Variants in ARHGAP42 observed in about 807,000 individuals in gnomAD.
ARHGAP42 encodes the protein rho GTPase-activating protein 42.
Under a neutral mutation model 125.0 loss-of-function variants are expected in ARHGAP42, and 63 were observed. The observed-to-expected ratio is 0.50, with a 90% CI of 0.41 to 0.62. The LOEUF (loss-of-function observed/expected upper bound fraction) is 0.62, where lower values mean the gene tolerates loss of function less well. Among genes scored for constraint, ARHGAP42 ranks in the 20% least tolerant of loss-of-function variants. The pLI, the probability that ARHGAP42 is intolerant of heterozygous loss-of-function variation, is 0.00. For missense variants in ARHGAP42, 766 were observed against 1,024.2 expected (o/e 0.75, Z 3.44); for synonymous variants, 339 against 351.0 (o/e 0.97, Z 0.38).
intron 4 of ARHGAP42, among the ~76,000 whole-genome samples, chr11:100,896,377 C>T (rs1004036877): frequency 2.0e-5 from 3 of 152,204 alleles, no homozygotes; most frequent in African/African-American, 7.2e-5. Flanking sequence ...ATGGCTGGGT[C>T]AAATGGTATT....
intron 3 of ARHGAP42, among the ~76,000 whole-genome samples, chr11:100,805,490 A>G (rs1863966648): frequency 6.6e-6 from 1 of 152,188 alleles, no homozygotes; most frequent in South Asian, 2.1e-4. Flanking sequence ...TCCAAATCCC[A>G]AGAGAGGGTT....
At chr11:100,874,038 A>C (rs1216351120) in intron 4 of ARHGAP42, among the ~76,000 whole-genome samples, 1 of 152,186 alleles carries the variant, frequency 6.6e-6, no homozygotes, top group Admixed American at 6.5e-5. Context: ...AGAATACCTG[A>C]GTTGGAGTAA....
intron 1 of ARHGAP42, among the ~76,000 whole-genome samples, chr11:100,727,476 G>A (rs1416647077): frequency 1.3e-5 from 2 of 152,146 alleles, no homozygotes; most frequent in Non-Finnish European, 2.9e-5. Context: ...GATAAGGGCT[G>A]GTCACCGGAA....
intron 3 of ARHGAP42, among the ~76,000 whole-genome samples, chr11:100,829,684 C>A (rs1435951996): frequency 1.3e-5 from 2 of 152,152 alleles, no homozygotes; most frequent in African/African-American, 4.8e-5. Flanking sequence ...TGGCATTTTC[C>A]AATGGTTAAT....
intron 3 of ARHGAP42, among the ~76,000 whole-genome samples, chr11:100,819,057 G>A (rs1418615023): frequency 6.6e-6 from 1 of 152,126 alleles, no homozygotes; most frequent in Non-Finnish European, 1.5e-5. Flanking sequence ...GAACTTTAAT[G>A]AGTATTTTTG....
At chr11:100,831,236 C>T (rs79797087) in intron 3 of ARHGAP42, among the ~76,000 whole-genome samples, 43 of 152,126 alleles carry the variant, frequency 2.8e-4, no homozygotes, top group African/African-American at 9.9e-4. Context: ...AGGAGTGGAC[C>T]TTGTAAAGGG....
At chr11:100,943,054 T>C (rs895866177) in intron 9 of ARHGAP42, among the ~76,000 whole-genome samples, 4 of 152,058 alleles carry the variant, frequency 2.6e-5, no homozygotes, top group Non-Finnish European at 5.9e-5. Flanking sequence ...TTCCTATGAA[T>C]GTGGCCTATG....
chr11:100,781,161 T>C (rs1863302129), intron 2 of ARHGAP42, among the ~76,000 whole-genome samples: 1 of 152,178 alleles, frequency 6.6e-6, no homozygotes, highest in African/African-American at 2.4e-5. Flanking sequence ...TATTGTACAA[T>C]AGGTGTTTTC....
intron 3 of ARHGAP42, among the ~76,000 whole-genome samples, chr11:100,829,488 A>G (rs1053242885): frequency 2.0e-5 from 3 of 152,182 alleles, no homozygotes; most frequent in African/African-American, 7.2e-5. Context: ...CAGCTCTAGT[A>G]GTGCTGACCA....
intron 6 of ARHGAP42, among the ~76,000 whole-genome samples, chr11:100,923,656 T>G (rs117322495): frequency 0.02 from 2,982 of 152,264 alleles, 61 homozygotes; most frequent in Non-Finnish European, 0.027. Context: ...AATTGAAATG[T>G]GTTTTCTTCC....
rs961832838 is a variant in ARHGAP42, at chr11:100,697,008, T to TA, written c.154+9186dup. Among the ~76,000 whole-genome samples the TA allele has an allele frequency of 2.4e-3, 365 of 149,356 alleles. 1 individual carries two copies. The highest frequency in any genetic ancestry group is 2.5e-3 in the South Asian group (12 of 4,722). ...AGGGTTGTCAATGTCAGGTAACATG[T>TA]AAAAAAAAAATTGGAAAACTGCTGC... On this transcript the variant is annotated intron_variant, in intron 1 of 23. Transcript: ENST00000298815.
At chr11:100,764,163 T>C (rs1012645272) in intron 1 of ARHGAP42, among the ~76,000 whole-genome samples, 1 of 151,916 alleles carries the variant, frequency 6.6e-6, no homozygotes, top group African/African-American at 2.4e-5. Flanking sequence ...CTAAGACCAC[T>C]GGCACAAGCC....
At chr11:100,692,891 A>G (rs962699689) in intron 1 of ARHGAP42, among the ~76,000 whole-genome samples, 2 of 152,158 alleles carry the variant, frequency 1.3e-5, no homozygotes, top group African/African-American at 2.4e-5. Context: ...TCTGCCTTTC[A>G]TTTTCTGTGT....
chr11:100,728,872 G>A (rs1169874347), intron 1 of ARHGAP42, among the ~76,000 whole-genome samples: 1 of 151,416 alleles, frequency 6.6e-6, no homozygotes, highest in Non-Finnish European at 1.5e-5. Context: ...AGCTTCAAGC[G>A]GTTCTTCTGT....
intron 4 of ARHGAP42, among the ~76,000 whole-genome samples, chr11:100,888,256 A>G (rs1388008440): frequency 6.6e-6 from 1 of 151,854 alleles, no homozygotes; most frequent in African/African-American, 2.4e-5. Context: ...AAGCTTTTCC[A>G]TAATTTAGCT....
chr11:100,943,828 A>G lies in ARHGAP42; in HGVS notation c.1003A>G (p.Ile335Val). 6.5e-7 allele frequency: 1 copy of G among 1,549,772 alleles called. No individual in the cohort carries two copies. The highest frequency in any genetic ancestry group is 8.7e-7 in the Non-Finnish European group (1 of 1,145,818). Residue 335 changes from isoleucine (I) to valine (V), a missense_variant, in exon 10 of 24, where the codon ATT becomes GTT. Ile to Val is a conservative substitution (Grantham distance 29). Transcript: ENST00000298815. The part of the protein sequence containing the change: ...KSCIRRKTDS[I>V]DKRFCFDIEV... The stretch of plus-strand genomic sequence containing the variant: ...TTGTATCCGACGAAAGACAGATTCA[A>G]TTGACAAACGATTCTGCTTTGACAT...
chr11:100,792,977 A>C lies in ARHGAP42; in HGVS notation c.251-2128A>C, dbSNP rs570403116. ...CATCGTGTTAGCCAGGATGGTCTCC[A>C]TCTCCTGACCTCGTGACCTGCACTC... On this transcript the variant is annotated intron_variant, in intron 2 of 23. Coordinates refer to ENST00000298815, the MANE Select transcript of ARHGAP42 (RefSeq NM_152432.4). 2.7e-4 allele frequency among the ~76,000 whole-genome samples: 41 copies of C among 152,144 alleles called. No individual in the cohort carries two copies. The South Asian group carries it at 4.6e-3, about 17-fold the overall frequency.
intron 3 of ARHGAP42, among the ~76,000 whole-genome samples, chr11:100,834,497 T>C (rs1390597994): frequency 6.6e-6 from 1 of 152,122 alleles, no homozygotes; most frequent in Non-Finnish European, 1.5e-5. Context: ...ACAGACATCA[T>C]ACCTGGGAGG....
At chr11:100,768,152 T>A (rs2134985405) in intron 1 of ARHGAP42, among the ~76,000 whole-genome samples, 1 of 152,230 alleles carries the variant, frequency 6.6e-6, no homozygotes, top group African/African-American at 2.4e-5. Flanking sequence ...TTGACATTTG[T>A]AAAAAAGGTA....
Sources: allele counts gnomAD v4.1 joint callset (sites outside exome capture counted in the v4.1 genomes callset), GRCh38; gene constraint gnomAD v4.1.1; transcripts MANE v1.5; gene names NCBI Gene and HGNC (gene_info 2026-07-23, HGNC 2026-07-21).